CDH18: variants seen among roughly 807,000 people sequenced by gnomAD.
CDH18 encodes the protein cadherin-18.
In CDH18, 31 loss-of-function variants were observed where a neutral mutation model predicts 67.9. The observed-to-expected ratio is 0.46, with a 90% confidence interval of 0.34 to 0.62. CDH18 has a LOEUF of 0.62. Ranked by LOEUF, CDH18 falls within the 20% of genes least tolerant of loss-of-function variation. The pLI is 0.01. For missense variants in CDH18, 890 were observed against 975.5 expected (o/e 0.91, Z 1.17); for synonymous variants, 362 against 347.2 (o/e 1.04, Z -0.48).
rs188539002 is a variant in CDH18 at position 20,044,280 on chromosome 5, A to G, written c.-517-52266T>C. On this transcript the variant is annotated intron_variant, in intron 2 of 14. Transcript: ENST00000507958. The stretch of plus-strand genomic sequence containing the variant: ...GAAGACATGATTCATGTCCTTAGAC[A>G]TTTTCAAAATTCAAAAGAGGATTGG... Among the ~76,000 whole-genome samples the G allele has an allele frequency of 2.6e-3, 403 of 152,288 alleles. 1 individual carries two copies. Among genetic ancestry groups the G allele is most frequent in the African/African-American group, 9.2e-3 (382 of 41,560 alleles).
In CDH18 at chr5:19,761,236, T is replaced by C. The variant is rs759549621; in HGVS notation, c.229-14000A>G. Among the ~76,000 whole-genome samples, 27 of 152,298 alleles carry C rather than the reference T, an allele frequency of 1.8e-4. No individual in the cohort carries two copies. The Middle Eastern group carries it at 0.01, about 58-fold the overall frequency. On this transcript the variant is annotated intron_variant, in intron 3 of 12. Transcript: ENST00000382275. Reference sequence around the variant, plus strand: ...CTCACTCAGGGCAATCTTAGCAAATTTGAGGCTCAGTATCTGCTTCTGAAG... The same window carrying C: ...CTCACTCAGGGCAATCTTAGCAAATCTGAGGCTCAGTATCTGCTTCTGAAG...
chr5:19,681,354 A>T (rs1446056693), intron 5 of CDH18, among the ~76,000 whole-genome samples: 1 of 152,002 alleles, frequency 6.6e-6, no homozygotes, highest in Non-Finnish European at 1.5e-5. Flanking sequence ...TTACCCATAT[A>T]AAAAACCTGA....
At chr5:19,958,571 C>G (rs1394095489) in intron 2 of CDH18, among the ~76,000 whole-genome samples, 2 of 151,764 alleles carry the variant, frequency 1.3e-5, no homozygotes, top group African/African-American at 4.8e-5. Context: ...AGGCACTAAG[C>G]AGTATTGGCT....
chr5:20,439,291 TGGGAAAG>T, intron 1 of CDH18, among the ~76,000 whole-genome samples: 1 of 151,740 alleles, frequency 6.6e-6, no homozygotes, highest in East Asian at 1.9e-4. Context: ...AGGTTTGCTG[TGGGAAAG>T]TAAGTTTGGT....
At chr5:20,370,298 C>A (rs1742875796) in intron 1 of CDH18, among the ~76,000 whole-genome samples, 1 of 151,984 alleles carries the variant, frequency 6.6e-6, no homozygotes, top group Non-Finnish European at 1.5e-5. Flanking sequence ...AGTCATATGA[C>A]TAATTGATTT....
chr5:20,428,295 A>G (rs997836016), intron 1 of CDH18, among the ~76,000 whole-genome samples: 1 of 144,868 alleles, frequency 6.9e-6, no homozygotes, highest in Non-Finnish European at 1.5e-5. Context: ...TTATGGCTGC[A>G]TAGTATTCCA....
At chr5:20,531,395 C>A (rs1483752412) in intron 1 of CDH18, among the ~76,000 whole-genome samples, 1 of 152,058 alleles carries the variant, frequency 6.6e-6, no homozygotes, top group Non-Finnish European at 1.5e-5. Flanking sequence ...TGGGTATATA[C>A]ACAAAGAAAT....
At chr5:19,774,345 T>A (rs577288813) in intron 3 of CDH18, among the ~76,000 whole-genome samples, 1 of 151,566 alleles carries the variant, frequency 6.6e-6, no homozygotes, top group South Asian at 2.1e-4. Flanking sequence ...GCCCTAGTGG[T>A]GGAGGCTGAA....
intron 1 of CDH18, among the ~76,000 whole-genome samples, chr5:20,415,789 T>C (rs527693827): frequency 1.1e-3 from 164 of 151,350 alleles, no homozygotes; most frequent in African/African-American, 3.9e-3. Flanking sequence ...AAAATAAAAA[T>C]AAATAAATAT....
chr5:20,531,627 C>T (rs1354216931), intron 1 of CDH18, among the ~76,000 whole-genome samples: 1 of 151,338 alleles, frequency 6.6e-6, no homozygotes. Context: ...TCCTCAGCAA[C>T]TAACACAGGA....
chr5:20,362,886 G>A (rs1019759253), intron 1 of CDH18, among the ~76,000 whole-genome samples: 2 of 152,248 alleles, frequency 1.3e-5, no homozygotes, highest in Non-Finnish European at 2.9e-5. Context: ...CATTTACAAG[G>A]AAAACAAAGA....
At chr5:20,198,600 C>A (rs1263034756) in intron 2 of CDH18, among the ~76,000 whole-genome samples, 1 of 152,104 alleles carries the variant, frequency 6.6e-6, no homozygotes, top group African/African-American at 2.4e-5. Context: ...AAAAGAAACC[C>A]ATTTTTTTAA....
intron 2 of CDH18, among the ~76,000 whole-genome samples, chr5:20,250,015 A>G (rs1159775311): frequency 6.6e-6 from 1 of 152,168 alleles, no homozygotes; most frequent in Non-Finnish European, 1.5e-5. Context: ...TTTCAGGGAT[A>G]TTAACATCAA....
intron 2 of CDH18, among the ~76,000 whole-genome samples, chr5:20,193,511 G>C (rs1738710428): frequency 6.6e-6 from 1 of 152,206 alleles, no homozygotes; most frequent in East Asian, 1.9e-4. Flanking sequence ...GAAATACAAA[G>C]AGTAGCTGAT....
chr5:20,038,969 T>G (rs753048135), intron 2 of CDH18, among the ~76,000 whole-genome samples: 5 of 152,162 alleles, frequency 3.3e-5, no homozygotes, highest in Non-Finnish European at 7.4e-5. Flanking sequence ...CAAAATCTCC[T>G]TAAGCTGATA....
chr5:20,537,457 T>A (rs559088635), intron 1 of CDH18, among the ~76,000 whole-genome samples: 1 of 152,244 alleles, frequency 6.6e-6, no homozygotes, highest in African/African-American at 2.4e-5. Flanking sequence ...ATATTAAAAA[T>A]ACATTGTACT....
At chr5:20,169,058 C>G (rs113994887) in intron 2 of CDH18, among the ~76,000 whole-genome samples, 5,240 of 152,062 alleles carry the variant, frequency 0.034, 309 homozygotes, top group African/African-American at 0.12. Flanking sequence ...TGAATAAGAC[C>G]TACTGTTTGA....
At chr5:20,277,303 C>CAG (rs779937791) in intron 1 of CDH18, among the ~76,000 whole-genome samples, 2 of 151,950 alleles carry the variant, frequency 1.3e-5, no homozygotes, top group Non-Finnish European at 2.9e-5. Context: ...CAACTCAGCA[C>CAG]AGAGAGAGAG....
intron 2 of CDH18, among the ~76,000 whole-genome samples, chr5:19,908,106 AATC>A (rs1391944689): frequency 6.6e-5 from 10 of 152,096 alleles, no homozygotes; most frequent in African/African-American, 2.2e-4. Flanking sequence ...AGGAAGTAAA[AATC>A]ATATTCAGAA....
Sources: allele counts gnomAD v4.1 joint callset (sites outside exome capture counted in the v4.1 genomes callset), GRCh38; gene constraint gnomAD v4.1.1; transcripts MANE v1.5; gene names NCBI Gene and HGNC (gene_info 2026-07-23, HGNC 2026-07-21).